The following UNC5C variants were observed in gnomAD, a reference collection of about 807,000 sequenced individuals.
UNC5C encodes unc-5 netrin receptor C, also known as netrin receptor UNC5C.
A neutral mutation model predicts 99.8 loss-of-function variants in UNC5C; 47 were observed. The ratio of observed to expected loss-of-function variants is 0.47; its 90% CI spans 0.37 to 0.60. The LOEUF (loss-of-function observed/expected upper bound fraction) is 0.60. Among genes scored for constraint, UNC5C ranks in the 20% least tolerant of loss-of-function variants. The pLI is 0.00. For missense variants in UNC5C, 1,062 were observed against 1,165.9 expected (o/e 0.91, Z 1.30); for synonymous variants, 487 against 452.2 (o/e 1.08, Z -0.98).
intron 1 of UNC5C, among the ~76,000 whole-genome samples, chr4:95,545,351 G>T (rs1723028291): frequency 6.6e-6 from 1 of 152,146 alleles, no homozygotes; most frequent in Non-Finnish European, 1.5e-5. Context: ...TTTCTAAACA[G>T]AAGTAAACTA....
intron 7 of UNC5C, among the ~76,000 whole-genome samples, chr4:95,233,897 C>G (rs1484900301): frequency 6.6e-6 from 1 of 151,900 alleles, no homozygotes; most frequent in Non-Finnish European, 1.5e-5. Flanking sequence ...AATGGCGCCA[C>G]TGCACTCCAG....
chr4:95,330,208 AAC>A (rs1403132912), intron 2 of UNC5C, among the ~76,000 whole-genome samples: 89 of 152,174 alleles, frequency 5.8e-4, no homozygotes, highest in Admixed American at 8.5e-4. Flanking sequence ...AAACTCTTTT[AAC>A]TTCTTTAGCA....
intron 7 of UNC5C, among the ~76,000 whole-genome samples, chr4:95,241,450 A>C (rs141108139): frequency 1.3e-5 from 2 of 152,388 alleles, no homozygotes; most frequent in East Asian, 3.9e-4. Flanking sequence ...ACAGGATTTC[A>C]TAAGTGTGGT....
At chr4:95,307,389 G>C (rs1232901676) in intron 2 of UNC5C, among the ~76,000 whole-genome samples, 1 of 152,006 alleles carries the variant, frequency 6.6e-6, no homozygotes, top group Admixed American at 6.6e-5. Context: ...TACTATCTTT[G>C]TGATTAAGAT....
At chr4:95,245,278 A>C in intron 5 of UNC5C, 134 bp from the exon 6 acceptor site, 16 of 1,028,930 alleles carry the variant, frequency 1.6e-5, no homozygotes, top group Non-Finnish European at 2.0e-5. Context: ...CAAAATTTCA[A>C]AGCCAGAAGA....
At chr4:95,442,524 G>C (rs953505663) in intron 1 of UNC5C, among the ~76,000 whole-genome samples, 1 of 151,252 alleles carries the variant, frequency 6.6e-6, no homozygotes, top group African/African-American at 2.4e-5. Flanking sequence ...TAGAGATGGA[G>C]TCGTGCTATG....
At chr4:95,544,402 C>T (rs754483468) in intron 1 of UNC5C, among the ~76,000 whole-genome samples, 1 of 152,182 alleles carries the variant, frequency 6.6e-6, no homozygotes, top group Non-Finnish European at 1.5e-5. Flanking sequence ...ACTGCTCCCA[C>T]GTTCTTCTGT....
rs539312097 is a variant in UNC5C, at chr4:95,217,738, A to G, written c.1645+1231T>C. The stretch of plus-strand genomic sequence containing the variant: ...GAATCCAATACATTTCAGAGGGAAA[A>G]GAACTATTTTGAGAACAATTGTAAT... On this transcript the variant is annotated intron_variant, in intron 9 of 15. Transcript: ENST00000453304. Among the ~76,000 whole-genome samples, 5 of 152,306 alleles carry G rather than the reference A, an allele frequency of 3.3e-5. No homozygotes were observed. The East Asian group carries it at 7.7e-4, about 24-fold the overall frequency.
intron 11 of UNC5C, among the ~76,000 whole-genome samples, chr4:95,205,562 T>G (rs1156340860): frequency 6.6e-6 from 1 of 152,130 alleles, no homozygotes; most frequent in East Asian, 1.9e-4. Flanking sequence ...ATGTGTATTT[T>G]TTCTAAGAAT....
chr4:95,325,230 A>ATATTTTTTTTATATTTTT (rs1411989536), intron 2 of UNC5C, among the ~76,000 whole-genome samples: 5 of 152,338 alleles, frequency 3.3e-5, no homozygotes, highest in African/African-American at 1.2e-4. Flanking sequence ...AAGGGAAACC[A>ATATTTTTTTTATATTTTT]TTATATATTT....
intron 14 of UNC5C, among the ~76,000 whole-genome samples, chr4:95,174,608 T>C (rs1471835602): frequency 2.6e-5 from 4 of 151,888 alleles, no homozygotes; most frequent in Non-Finnish European, 5.9e-5. Context: ...GTCTGAGAGA[T>C]AGTTTGTTAT....
At chr4:95,517,377 T>C (rs1224831025) in intron 1 of UNC5C, among the ~76,000 whole-genome samples, 1 of 152,048 alleles carries the variant, frequency 6.6e-6, no homozygotes, top group Non-Finnish European at 1.5e-5. Context: ...TGACTATGCA[T>C]AAATATCGGA....
chr4:95,464,462 T>C (rs1216036760), intron 1 of UNC5C, among the ~76,000 whole-genome samples: 1 of 152,210 alleles, frequency 6.6e-6, no homozygotes, highest in African/African-American at 2.4e-5. Flanking sequence ...GATGGTATCC[T>C]GGTTGGTATA....
At chr4:95,269,886 A>AT (rs375879794) in intron 4 of UNC5C, among the ~76,000 whole-genome samples, 116 of 151,288 alleles carry the variant, frequency 7.7e-4, no homozygotes, top group African/African-American at 1.3e-3. Context: ...CTAATTTTGT[A>AT]TTTTTTTTAG....
intron 1 of UNC5C, among the ~76,000 whole-genome samples, chr4:95,472,906 T>TAAAA (rs11374828): frequency 2.0e-5 from 3 of 147,594 alleles, no homozygotes. Flanking sequence ...TTGTAAAATC[T>TAAAA]AAAAAAAAAA....
Position 95,238,064 on chromosome 4 carries a change from ATACC to A in UNC5C, c.1108+4361_1108+4364del, listed in dbSNP as rs1160884259. Among the ~76,000 whole-genome samples, 907 of 152,122 alleles carry A rather than the reference ATACC, an allele frequency of 6.0e-3. 12 individuals carry two copies. The highest frequency in any genetic ancestry group is 0.021 in the African/African-American group (863 of 41,508). ...AATAAATACATACATACATACATAC[ATACC>A]TACATACTCAACAATACTGTAAGTT... On this transcript the variant is annotated intron_variant, in intron 7 of 15. Coordinates refer to ENST00000453304, the MANE Select transcript of UNC5C (RefSeq NM_003728.4).
intron 4 of UNC5C, among the ~76,000 whole-genome samples, chr4:95,254,272 C>T (rs1440178143): frequency 1.3e-5 from 2 of 152,206 alleles, no homozygotes; most frequent in South Asian, 2.1e-4. Flanking sequence ...ACGCTTCCAA[C>T]GTCTTGGCCC....
intron 1 of UNC5C, among the ~76,000 whole-genome samples, chr4:95,532,017 T>C (rs1187783989): frequency 6.6e-6 from 1 of 152,236 alleles, no homozygotes; most frequent in African/African-American, 2.4e-5. Context: ...TACACCTCTT[T>C]AATTCCCAAT....
chr4:95,461,212 A>G (rs1406392152), intron 1 of UNC5C, among the ~76,000 whole-genome samples: 1 of 152,200 alleles, frequency 6.6e-6, no homozygotes, highest in African/African-American at 2.4e-5. Flanking sequence ...TCCTCCAAGG[A>G]TAGTGCAAGG....
Sources: allele counts gnomAD v4.1 joint callset (sites outside exome capture counted in the v4.1 genomes callset), GRCh38; gene constraint gnomAD v4.1.1; transcripts MANE v1.5; gene names NCBI Gene and HGNC (gene_info 2026-07-23, HGNC 2026-07-21).